The following PRKCA variants were observed in gnomAD, a reference collection of about 807,000 sequenced individuals.
PRKCA encodes protein kinase C alpha.
Under a neutral mutation model 87.0 loss-of-function variants are expected in PRKCA, and 27 were observed. The observed-to-expected ratio is 0.31, with a 90% CI of 0.23 to 0.43. The LOEUF (loss-of-function observed/expected upper bound fraction) is 0.43, where lower values mean the gene tolerates loss of function less well. Among genes scored for constraint, PRKCA ranks in the 20% least tolerant of loss-of-function variants. PRKCA has a pLI of 1.00. For missense variants in PRKCA, 518 were observed against 852.3 expected (o/e 0.61, Z 4.88); for synonymous variants, 329 against 311.1 (o/e 1.06, Z -0.61).
At chr17:66,725,121 G>A (rs1412476608) in intron 8 of PRKCA, among the ~76,000 whole-genome samples, 1 of 152,154 alleles carries the variant, frequency 6.6e-6, no homozygotes, top group Admixed American at 6.5e-5. Context: ...TCATCATGTG[G>A]CCAACCACCC....
At position 66,763,896 on chromosome 17, in the gene PRKCA, G is replaced by A. The variant is rs1057419296; in HGVS notation, c.1525-10091G>A. 1.2e-4 allele frequency among the ~76,000 whole-genome samples: 19 copies of A among 152,196 alleles called. 1 individual carries two copies. Among genetic ancestry groups the A allele is most frequent in the African/African-American group, 4.8e-5 (2 of 41,456 alleles). On this transcript the variant is annotated intron_variant, in intron 13 of 16. Coordinates refer to ENST00000413366, the MANE Select transcript of PRKCA (RefSeq NM_002737.3). ...AGCCTTTAGAGCCAAGAGCTCCTGA[G>A]TGAAGGAGGCATCTTGGCTGTTTTG... is the stretch of plus-strand genomic sequence containing the variant.
At chr17:66,789,047 CTCTTT>C (rs1975469530) in intron 16 of PRKCA, 68 bp downstream of exon 16, 3 of 1,577,390 alleles carry the variant, frequency 1.9e-6, no homozygotes, top group Non-Finnish European at 2.6e-6. Context: ...TCCCACTCAC[CTCTTT>C]TCTTGGAGAG....
chr17:66,350,516 TTTA>T (rs1436480331), intron 2 of PRKCA, among the ~76,000 whole-genome samples: 2 of 152,062 alleles, frequency 1.3e-5, no homozygotes, highest in Non-Finnish European at 2.9e-5. Context: ...TGGGGCCAGT[TTTA>T]TTATTTTTTT....
intron 2 of PRKCA, among the ~76,000 whole-genome samples, chr17:66,355,309 A>T (rs1907985426): frequency 6.6e-6 from 1 of 152,140 alleles, no homozygotes; most frequent in Admixed American, 6.5e-5. Context: ...GTGCTGATGA[A>T]AGGGAGGTGG....
intron 2 of PRKCA, among the ~76,000 whole-genome samples, chr17:66,454,282 A>G (rs1407670604): frequency 6.6e-6 from 1 of 152,222 alleles, no homozygotes; most frequent in Non-Finnish European, 1.5e-5. Flanking sequence ...TGGGGTTGAC[A>G]GTCCCAGGGG....
At chr17:66,723,558 G>A (rs1446245518) in intron 8 of PRKCA, among the ~76,000 whole-genome samples, 15 of 151,064 alleles carry the variant, frequency 9.9e-5, no homozygotes, top group Non-Finnish European at 1.9e-4. Flanking sequence ...AACCCAGGAG[G>A]TGGAGGTTGC....
At chr17:66,380,865 T>C (rs760941607) in intron 2 of PRKCA, among the ~76,000 whole-genome samples, 1 of 151,964 alleles carries the variant, frequency 6.6e-6, no homozygotes, top group Non-Finnish European at 1.5e-5. Flanking sequence ...CAAAACCAAA[T>C]GGGCAAAAAT....
At chr17:66,612,650 A>G (rs1970401315) in intron 3 of PRKCA, among the ~76,000 whole-genome samples, 1 of 151,520 alleles carries the variant, frequency 6.6e-6, no homozygotes, top group Non-Finnish European at 1.5e-5. Flanking sequence ...GAACGTTCTG[A>G]TATTTGTGAT....
chr17:66,420,991 C>G (rs1274207019), intron 2 of PRKCA, among the ~76,000 whole-genome samples: 2 of 152,200 alleles, frequency 1.3e-5, no homozygotes, highest in Non-Finnish European at 2.9e-5. Context: ...TATTGTTATG[C>G]TGTCATGGGA....
Position 66,570,645 on chromosome 17 carries a change from G to A in PRKCA, c.289-70710G>A, listed in dbSNP as rs532984893. 4.6e-5 allele frequency among the ~76,000 whole-genome samples: 7 copies of A among 151,986 alleles called. No homozygotes were observed. The South Asian group carries it at 1.0e-3, about 23-fold the overall frequency. On this transcript the variant is annotated intron_variant, in intron 3 of 16. Coordinates refer to ENST00000413366, the MANE Select transcript of PRKCA (RefSeq NM_002737.3). The stretch of plus-strand genomic sequence containing the variant: ...AAAGACTCTGCTTTAGCTCTTTTTC[G>A]GGCTTTTCTGCCATGCCTTACTAGT...
intron 5 of PRKCA, among the ~76,000 whole-genome samples, chr17:66,665,360 C>A (rs1598856521): frequency 6.6e-6 from 1 of 152,174 alleles, no homozygotes; most frequent in East Asian, 1.9e-4. Context: ...TCCATGAGAA[C>A]ATGACCAAAA....
chr17:66,345,425 T>C (rs1010345537), intron 2 of PRKCA, among the ~76,000 whole-genome samples: 1 of 152,176 alleles, frequency 6.6e-6, no homozygotes, highest in East Asian at 1.9e-4. Context: ...CAGAGTAGTG[T>C]TTATATATGC....
rs2143640247 is a variant in PRKCA at position 66,391,822 on chromosome 17, CCT to C, written c.205+85696_205+85697del. Among the ~76,000 whole-genome samples, 3 of 152,302 alleles carry C rather than the reference CCT, an allele frequency of 2.0e-5. No individual in the cohort carries two copies. In the South Asian group the frequency reaches 6.2e-4, roughly 32 times the overall value. On this transcript the variant is annotated intron_variant, in intron 2 of 16. Transcript: ENST00000413366. Reference sequence around the variant, plus strand: ...CCACTCTGTCTATCTCCCTCCCTCCCCTGTGTGCACACACACATGTGCACAGA... The same window carrying C: ...CCACTCTGTCTATCTCCCTCCCTCCCGTGTGCACACACACATGTGCACAGA...
At chr17:66,711,178 A>G (rs1973318648) in intron 8 of PRKCA, among the ~76,000 whole-genome samples, 1 of 152,210 alleles carries the variant, frequency 6.6e-6, no homozygotes, top group Non-Finnish European at 1.5e-5. Context: ...GCATCTTTAA[A>G]TGGACAGCTC....
intron 14 of PRKCA, among the ~76,000 whole-genome samples, chr17:66,778,759 C>T (rs1317852676): frequency 1.3e-5 from 2 of 149,698 alleles, no homozygotes; most frequent in Non-Finnish European, 3.0e-5. Context: ...GAGGATTGAT[C>T]GAGCCCGGGG....
At chr17:66,673,936 T>G (rs993635183) in intron 5 of PRKCA, among the ~76,000 whole-genome samples, 1 of 152,262 alleles carries the variant, frequency 6.6e-6, no homozygotes, top group African/African-American at 2.4e-5. Context: ...GTGCCACTCC[T>G]TTTGGCCTGG....
At position 66,392,241 on chromosome 17, in the gene PRKCA, A is replaced by C. The variant is rs561012352; in HGVS notation, c.205+86114A>C. 1.0e-3 allele frequency among the ~76,000 whole-genome samples: 157 copies of C among 151,886 alleles called. 1 individual carries two copies. Among genetic ancestry groups the C allele is most frequent in the African/African-American group, 3.7e-3 (151 of 41,276 alleles). On this transcript the variant is annotated intron_variant, in intron 2 of 16. Transcript: ENST00000413366. ...CAAGACTGTGTCTCAACAACAACAA[A>C]AAAAAAAATGTGGTTACAGAGGACT...
chr17:66,752,619 G>A (rs1424702815), intron 13 of PRKCA, among the ~76,000 whole-genome samples: 2 of 152,172 alleles, frequency 1.3e-5, no homozygotes, highest in Non-Finnish European at 2.9e-5. Flanking sequence ...TTAATGCTGC[G>A]ATTCTTGGAG....
At chr17:66,649,986 G>A (rs1971549226) in intron 5 of PRKCA, among the ~76,000 whole-genome samples, 1 of 152,198 alleles carries the variant, frequency 6.6e-6, no homozygotes, top group Non-Finnish European at 1.5e-5. Flanking sequence ...GTGGGAATTA[G>A]CCTGGTGGTG....
Sources: allele counts gnomAD v4.1 joint callset (sites outside exome capture counted in the v4.1 genomes callset), GRCh38; gene constraint gnomAD v4.1.1; transcripts MANE v1.5; gene names NCBI Gene and HGNC (gene_info 2026-07-23, HGNC 2026-07-21).